Variants in ARHGAP18 observed in about 807,000 individuals in gnomAD.
ARHGAP18 encodes rho GTPase-activating protein 18.
A neutral mutation model predicts 86.2 loss-of-function variants in ARHGAP18; 67 were observed. That is an observed-to-expected ratio of 0.78 (90% confidence interval 0.64 to 0.95). ARHGAP18 has a LOEUF of 0.95. ARHGAP18 is among the 40% of genes least tolerant of loss of function. The pLI, the probability that ARHGAP18 is intolerant of heterozygous loss-of-function variation, is 0.00. For synonymous variants in ARHGAP18, 283 were observed against 280.4 expected, an observed-to-expected ratio of 1.01 and a Z score of -0.09; for missense variants, 691 against 780.4, an observed-to-expected ratio of 0.89 and a Z score of 1.37.
In ARHGAP18 at chr6:129,605,936, G is replaced by T; in HGVS notation, c.1306C>A (p.Leu436Ile). 6.2e-7 allele frequency: 1 copy of T among 1,613,612 alleles called. No homozygotes were observed. Among genetic ancestry groups the T allele is most frequent in the Non-Finnish European group, 8.5e-7 (1 of 1,179,598 alleles). Residue 436 changes from leucine to isoleucine, a missense_variant, in exon 10 of 15, where the codon CTA becomes ATA. Leu to Ile is a conservative substitution (Grantham distance 5, BLOSUM62 2). Transcript: ENST00000368149. ...ATGACAAGAAGGTTCAAAGCCTGTA[G>T]TTGCTGCTTCTTGGTTGGAAGATCT... ...VQNLPTKKQQ[L>I]QALNLLVILL... is the part of the protein sequence containing the mutation.
In ARHGAP18 at chr6:129,611,561, C is replaced by T. The variant is rs1788980414; in HGVS notation, c.1094G>A (p.Arg365Gln). 10 of 1,613,666 alleles carry T rather than the reference C, an allele frequency of 6.2e-6. No homozygotes were observed. The highest frequency in any genetic ancestry group is 1.1e-5 in the South Asian group (1 of 91,074). The change falls in exon 8 of 15, where the codon CGG (arginine) becomes CAG (glutamine). Residue 365 changes from arginine to glutamine, a missense_variant. By Grantham distance (43) the Arg-to-Gln change is conservative. Coordinates refer to ENST00000368149, the MANE Select transcript of ARHGAP18 (RefSeq NM_033515.3). ...GATTCTAATGGCAGCTCCAGGGATCCGTAAGAGGCCTTCTGTTTCCAAACC... is the reference window on the plus strand; with the variant it reads ...GATTCTAATGGCAGCTCCAGGGATCTGTAAGAGGCCTTCTGTTTCCAAACC... ...ERGLETEGLL[R>Q]IPGAAIRIKN...
chr6:129,609,099 TG>T (rs1475696806), intron 8 of ARHGAP18, among the ~76,000 whole-genome samples: 1 of 98,108 alleles, frequency 1.0e-5, no homozygotes, highest in Non-Finnish European at 1.9e-5. Flanking sequence ...AGGGAAAGAA[TG>T]AGGGGGGAAA....
At chr6:129,626,463 A>G (rs1488843533) in intron 5 of ARHGAP18, among the ~76,000 whole-genome samples, 2 of 152,020 alleles carry the variant, frequency 1.3e-5, no homozygotes, top group Non-Finnish European at 2.9e-5. Context: ...CTATTGGACT[A>G]TATAAGTATT....
intron 1 of ARHGAP18, chr6:129,662,029 G>T: frequency 1.9e-6 from 1 of 526,446 alleles, no homozygotes; most frequent in Non-Finnish European, 2.4e-6. Flanking sequence ...CCCCTCCCAA[G>T]ATCCACGCAA....
chr6:129,629,612 G>T, intron 4 of ARHGAP18, 90 bp from the exon 5 acceptor site: 1 of 1,346,574 alleles, frequency 7.4e-7, no homozygotes, highest in East Asian at 2.4e-5. Flanking sequence ...AAAACATTTG[G>T]GAAGAGTACT....
chr6:129,637,188 G>A lies in ARHGAP18; in HGVS notation c.552+1206C>T, dbSNP rs533194663. ...CAAGCAATCCTCTGGCCTCAGCCCC[G>A]CAAGTAGCTGGGTCTACAGGCACAT... On this transcript the variant is annotated intron_variant, in intron 3 of 14. Coordinates refer to ENST00000368149, the MANE Select transcript of ARHGAP18 (RefSeq NM_033515.3). Among the ~76,000 whole-genome samples, 23 of 152,110 alleles carry A rather than the reference G, an allele frequency of 1.5e-4. 1 individual carries two copies. The South Asian group carries it at 3.5e-3, about 23-fold the overall frequency.
chr6:129,625,367 TTA>T lies in ARHGAP18; in HGVS notation c.786+3984_786+3985del, dbSNP rs1372445563. Among the ~76,000 whole-genome samples, 9 of 70,914 alleles carry T rather than the reference TTA, an allele frequency of 1.3e-4. 2 individuals carry two copies. Among genetic ancestry groups the T allele is most frequent in the African/African-American group, 3.2e-4 (5 of 15,570 alleles). The allele number at this position is 70,914 out of a possible 152,430, so 46.5% of individuals were successfully genotyped here. A position where few individuals can be genotyped will look rare whatever the true frequency, so the allele number is the denominator to read the frequency against. On this transcript the variant is annotated intron_variant, in intron 5 of 14. Coordinates refer to ENST00000368149, the MANE Select transcript of ARHGAP18 (RefSeq NM_033515.3). ...TATATGTAATATATATTATGTATAT[TTA>T]TATATATTATATATTATATATTTAT...
At chr6:129,683,052 TTTC>T (rs1483339700) in intron 1 of ARHGAP18, among the ~76,000 whole-genome samples, 13 of 106,934 alleles carry the variant, frequency 1.2e-4, no homozygotes, top group Non-Finnish European at 2.1e-4. Flanking sequence ...TGTTTTGTTT[TTTC>T]TTTTTTTTTT....
intron 1 of ARHGAP18, among the ~76,000 whole-genome samples, chr6:129,658,514 G>A (rs145141122): frequency 6.6e-6 from 1 of 152,272 alleles, no homozygotes; most frequent in East Asian, 1.9e-4. Flanking sequence ...CATGCAATGT[G>A]TATAATTTTA....
At chr6:129,601,691 A>G (rs1747756579) in intron 10 of ARHGAP18, among the ~76,000 whole-genome samples, 1 of 150,366 alleles carries the variant, frequency 6.7e-6, no homozygotes, top group Non-Finnish European at 1.5e-5. Flanking sequence ...GCAGTGAGAG[A>G]TCATAGCTCA....
In ARHGAP18 at chr6:129,599,296, T is replaced by C; in HGVS notation, c.1633A>G (p.Lys545Glu). 1 of 1,596,116 alleles carries C rather than the reference T, an allele frequency of 6.3e-7. No individual in the cohort carries two copies. Among genetic ancestry groups the C allele is most frequent in the Non-Finnish European group, 8.5e-7 (1 of 1,173,406 alleles). The change falls in exon 12 of 15, where the codon AAA (lysine) becomes GAA (glutamate). Residue 545 changes from lysine to glutamate, a missense_variant. Transcript: ENST00000368149. ...TTCAGCAATTTCTTCATGGCTCTTTTATCCTTTTTATGATTTTCCGTGTTT... is the reference window on the plus strand; with the variant it reads ...TTCAGCAATTTCTTCATGGCTCTTTCATCCTTTTTATGATTTTCCGTGTTT... ...KQNTENHKKD[K>E]RAMKKLLKKM...
intron 5 of ARHGAP18, among the ~76,000 whole-genome samples, chr6:129,622,844 T>A (rs1789258364): frequency 6.6e-6 from 1 of 151,454 alleles, no homozygotes; most frequent in Non-Finnish European, 1.5e-5. Context: ...CTACTAAAAA[T>A]ACAAAAACTA....
chr6:129,704,898 C>G (rs1301234273), intron 1 of ARHGAP18, among the ~76,000 whole-genome samples: 1 of 152,182 alleles, frequency 6.6e-6, no homozygotes, highest in Admixed American at 6.5e-5. Flanking sequence ...CTTCTTCCTC[C>G]CTCCTCCTTA....
At chr6:129,661,797 G>A (rs1463468159) in intron 1 of ARHGAP18, 9 of 843,102 alleles carry the variant, frequency 1.1e-5, no homozygotes, top group East Asian at 2.5e-4. Flanking sequence ...GTATCCGTTC[G>A]GCCCTCCACC....
chr6:129,625,908 A>ATTATATTATATAT (rs1789444913), intron 5 of ARHGAP18, among the ~76,000 whole-genome samples: 1 of 83,450 alleles, frequency 1.2e-5, no homozygotes, highest in Admixed American at 2.0e-4. Context: ...ATATTTATAT[A>ATTATATTATATAT]TTATATATTA....
chr6:129,584,021 C>G lies in ARHGAP18; in HGVS notation c.1805G>C (p.Ser602Thr). ...AIQLTEELKA[S>T]DVLARFLSQE... Reference sequence around the variant, plus strand: ...GCTGAGAAACCTGGCAAGTACATCACTGGCTTTTAGTTCTTCAGTTAGCTG... The same window carrying G: ...GCTGAGAAACCTGGCAAGTACATCAGTGGCTTTTAGTTCTTCAGTTAGCTG... The change falls in exon 13 of 15, where the codon AGT (serine) becomes ACT (threonine). Residue 602 changes from serine to threonine, a missense_variant. Physicochemically the swap from Ser to Thr is moderately conservative, Grantham distance 58. Coordinates refer to ENST00000368149, the MANE Select transcript of ARHGAP18 (RefSeq NM_033515.3). 6.2e-7 allele frequency: 1 copy of G among 1,613,716 alleles called. No homozygotes were observed. Among genetic ancestry groups the G allele is most frequent in the South Asian group, 1.1e-5 (1 of 91,066 alleles).
intron 1 of ARHGAP18, among the ~76,000 whole-genome samples, chr6:129,696,322 T>C (rs1316334843): frequency 6.6e-6 from 1 of 152,222 alleles, no homozygotes; most frequent in African/African-American, 2.4e-5. Flanking sequence ...AATAGCTAAC[T>C]AACATTTCAC....
At chr6:129,592,964 C>G (rs1470595703) in intron 12 of ARHGAP18, among the ~76,000 whole-genome samples, 1 of 152,136 alleles carries the variant, frequency 6.6e-6, no homozygotes, top group East Asian at 1.9e-4. Flanking sequence ...ATGTACTATT[C>G]TTTCTACTCG....
chr6:129,628,136 A>G (rs900571999), intron 5 of ARHGAP18, among the ~76,000 whole-genome samples: 2 of 152,162 alleles, frequency 1.3e-5, no homozygotes, highest in African/African-American at 4.8e-5. Context: ...AAAATGCAAG[A>G]TATTCAGTAG....
Sources: gnomAD v4.1 joint callset for allele counts (sites outside exome capture counted in the v4.1 genomes callset) on GRCh38, gnomAD v4.1.1 for gene constraint, MANE v1.5 for transcripts, NCBI Gene and HGNC (gene_info 2026-07-23, HGNC 2026-07-21) for gene names.